The following ANKRD44 variants were observed in gnomAD, a reference collection of about 807,000 sequenced individuals.
The protein encoded by ANKRD44 is ankyrin repeat domain 44.
Under a neutral mutation model 116.0 loss-of-function variants are expected in ANKRD44, and 35 were observed. That is an observed-to-expected ratio of 0.30 (90% CI 0.23 to 0.40). The LOEUF is 0.40. Among genes scored for constraint, ANKRD44 ranks in the 10% least tolerant of loss-of-function variants. The pLI is 1.00. For missense variants in ANKRD44, 1,014 were observed against 1,242.6 expected, an observed-to-expected ratio of 0.82 and a Z score of 2.77; for synonymous variants, 435 against 461.8, an observed-to-expected ratio of 0.94 and a Z score of 0.74.
intron 1 of ANKRD44, among the ~76,000 whole-genome samples, chr2:197,233,040 T>C (rs987349621): frequency 2.6e-5 from 4 of 152,356 alleles, no homozygotes; most frequent in African/African-American, 9.6e-5. Context: ...CTGTACAAAA[T>C]ATGGTCCCAA....
chr2:197,017,555 T>A (rs1038020524), intron 17 of ANKRD44, among the ~76,000 whole-genome samples: 1 of 152,178 alleles, frequency 6.6e-6, no homozygotes, highest in African/African-American at 2.4e-5. Context: ...AACCTATATA[T>A]CATTTATAAT....
At chr2:197,281,889 G>T (rs183350050) in intron 1 of ANKRD44, among the ~76,000 whole-genome samples, 1 of 152,242 alleles carries the variant, frequency 6.6e-6, no homozygotes, top group East Asian at 1.9e-4. Context: ...TATATTGTGA[G>T]GCTGGTTGGT....
chr2:196,977,141 T>C (rs949713753), intron 21 of ANKRD44, among the ~76,000 whole-genome samples: 3 of 152,198 alleles, frequency 2.0e-5, no homozygotes, highest in African/African-American at 4.8e-5. Context: ...ACTTGTATAC[T>C]GAAAACTAGA....
intron 1 of ANKRD44, among the ~76,000 whole-genome samples, chr2:197,241,931 A>G (rs13389576): frequency 0.21 from 31,355 of 152,108 alleles, 3,406 homozygotes; most frequent in Middle Eastern, 0.31. Flanking sequence ...TTAAAAATAC[A>G]TATTACTGTG....
At position 197,146,890 on chromosome 2, in the gene ANKRD44, G is replaced by A. The variant is rs556927157; in HGVS notation, c.190+137C>T. 15 of 590,336 alleles carry A rather than the reference G, an allele frequency of 2.5e-5. No individual in the cohort carries two copies. In the South Asian group the frequency reaches 3.5e-4, roughly 14 times the overall value. 36.6% of individuals were successfully genotyped at this position (590,336 alleles called of 1,614,324 possible). On this transcript the variant is annotated intron_variant, in intron 3 of 27. Coordinates refer to ENST00000282272, the MANE Select transcript of ANKRD44 (RefSeq NM_001195144.2). The stretch of plus-strand genomic sequence containing the variant: ...CTTCTTGCATTTTTCTTTGTGTAAT[G>A]ATAAAATCGCCTATCACATAAACTT...
chr2:197,006,165 G>C (rs894535656), intron 20 of ANKRD44, among the ~76,000 whole-genome samples: 1 of 152,164 alleles, frequency 6.6e-6, no homozygotes, highest in Non-Finnish European at 1.5e-5. Context: ...TGATGCGGCC[G>C]GGCGTGGTGG....
At position 197,060,829 on chromosome 2, in the gene ANKRD44, G is replaced by A. The variant is rs117887425; in HGVS notation, c.1650+17874C>T. 1.0e-3 allele frequency among the ~76,000 whole-genome samples: 156 copies of A among 152,198 alleles called. No individual in the cohort carries two copies. The East Asian group carries it at 0.022, about 22-fold the overall frequency. On this transcript the variant is annotated intron_variant, in intron 16 of 27. Transcript: ENST00000282272. ...CACTTAGTGTAACGTCTTCCAGGTC[G>A]TACATGTTGTTATAAATGGCAGGAT... is the stretch of plus-strand genomic sequence containing the variant.
At chr2:197,122,585 AC>A in intron 7 of ANKRD44, 64 bp downstream of exon 7, 2 of 1,550,924 alleles carry the variant, frequency 1.3e-6, no homozygotes, top group South Asian at 2.4e-5. Context: ...ACAGGATTTA[AC>A]TTTAGAATAA....
rs147893925 is a variant in ANKRD44, at chr2:197,230,825, T to C, written c.28-43719A>G. 5.3e-3 allele frequency among the ~76,000 whole-genome samples: 807 copies of C among 152,166 alleles called. 9 individuals carry two copies. The highest frequency in any genetic ancestry group is 0.018 in the African/African-American group (760 of 41,524). Reference sequence around the variant, plus strand: ...TCTACCATCTCCCGGGACCCCAGGATCCTCTGCTAGATCCGGTGGACAAAC... The same window carrying C: ...TCTACCATCTCCCGGGACCCCAGGACCCTCTGCTAGATCCGGTGGACAAAC... On this transcript the variant is annotated intron_variant, in intron 1 of 27. Transcript: ENST00000282272.
chr2:197,144,251 C>A (rs1195133233), intron 3 of ANKRD44, among the ~76,000 whole-genome samples: 1 of 152,194 alleles, frequency 6.6e-6, no homozygotes, highest in Admixed American at 6.5e-5. Context: ...GCTTGGGTTA[C>A]ACCATGCTCT....
Position 196,993,582 on chromosome 2 carries a change from C to T in ANKRD44, c.2923+1G>A. On this transcript the variant is annotated splice_donor_variant, in intron 27 of 27. Transcript: ENST00000282272. LOFTEE classifies it high-confidence loss of function. ...AGTCGCTGTTGACTTTTTCCACTTA[C>T]CATTTTCATCTACAGCAAGTACACA... is the stretch of plus-strand genomic sequence containing the variant. 6.5e-7 allele frequency: 1 copy of T among 1,549,958 alleles called. No homozygotes were observed. The highest frequency in any genetic ancestry group is 1.2e-5 in the South Asian group (1 of 84,032).
intron 4 of ANKRD44, chr2:197,133,943 C>CTTTTTCTTTCT (rs1553515697): frequency 1.5e-5 from 1 of 65,006 alleles, no homozygotes; most frequent in African/African-American, 5.7e-5. Flanking sequence ...TTTTCTTTTT[C>CTTTTTCTTTCT]TTTCTTTTTT....
chr2:197,057,759 G>A (rs1320127899), intron 16 of ANKRD44, among the ~76,000 whole-genome samples: 1 of 152,234 alleles, frequency 6.6e-6, no homozygotes, highest in African/African-American at 2.4e-5. Flanking sequence ...TCTGGAGGCT[G>A]AGGTGGGAGG....
intron 21 of ANKRD44, among the ~76,000 whole-genome samples, chr2:196,975,825 GA>G (rs1559389899): frequency 2.8e-5 from 4 of 143,176 alleles, no homozygotes; most frequent in Non-Finnish European, 6.1e-5. Flanking sequence ...AAGAAAGAAA[GA>G]AAGAAAGAAA....
At chr2:197,215,463 T>C (rs1261640710) in intron 1 of ANKRD44, among the ~76,000 whole-genome samples, 2 of 152,184 alleles carry the variant, frequency 1.3e-5, no homozygotes, top group Non-Finnish European at 2.9e-5. Flanking sequence ...AGTGTAACAT[T>C]TGAAGTGGGA....
chr2:197,122,703 C>A lies in ANKRD44; in HGVS notation c.640G>T (p.Ala214Ser). 1 of 1,614,242 alleles carries A rather than the reference C, an allele frequency of 6.2e-7. No individual in the cohort carries two copies. The highest frequency in any genetic ancestry group is 1.1e-5 in the South Asian group (1 of 91,090). ...KKGYTPLHAA[A>S]SNGQINVVKH... ...ACAACATTAATCTGTCCATTGGAGGCTGCAGCATGCAGAGGGGTATAACCC... is the reference window on the plus strand; with the variant it reads ...ACAACATTAATCTGTCCATTGGAGGATGCAGCATGCAGAGGGGTATAACCC... The change falls in exon 7 of 28, where the codon GCC (alanine) becomes TCC (serine). Residue 214 changes from alanine (A) to serine (S), a missense_variant. Coordinates refer to ENST00000282272, the MANE Select transcript of ANKRD44 (RefSeq NM_001195144.2).
intron 1 of ANKRD44, among the ~76,000 whole-genome samples, chr2:197,230,140 T>C (rs2081824341): frequency 6.6e-6 from 1 of 152,140 alleles, no homozygotes; most frequent in Non-Finnish European, 1.5e-5. Context: ...TTTAGGTTTA[T>C]GACTTAAAGG....
chr2:197,108,768 G>A (rs1353209709), intron 9 of ANKRD44, among the ~76,000 whole-genome samples: 1 of 152,062 alleles, frequency 6.6e-6, no homozygotes, highest in East Asian at 1.9e-4. Context: ...AACCCGAGAG[G>A]CAGATGTTGC....
intron 1 of ANKRD44, among the ~76,000 whole-genome samples, chr2:197,300,312 C>T (rs1210610589): frequency 6.6e-6 from 1 of 152,100 alleles, no homozygotes; most frequent in East Asian, 1.9e-4. Context: ...ATTTAGTCAC[C>T]AGGTTACCTG....
Sources: allele counts gnomAD v4.1 joint callset (sites outside exome capture counted in the v4.1 genomes callset), GRCh38; gene constraint gnomAD v4.1.1; transcripts MANE v1.5; gene names NCBI Gene and HGNC (gene_info 2026-07-23, HGNC 2026-07-21).